The following SLC1A4 variants were observed in gnomAD, a reference collection of about 807,000 sequenced individuals.
SLC1A4 encodes the protein solute carrier family 1 member 4.
In SLC1A4, 19 loss-of-function variants were observed where a neutral mutation model predicts 37.7. The ratio of observed to expected loss-of-function variants is 0.50; its 90% CI spans 0.35 to 0.74. SLC1A4 has a LOEUF of 0.74. Ranked by LOEUF, SLC1A4 falls within the 30% of genes least tolerant of loss-of-function variation. SLC1A4 has a pLI of 0.01. For synonymous variants in SLC1A4, 299 were observed against 309.8 expected, an observed-to-expected ratio of 0.97 and a Z score of 0.37; for missense variants, 570 against 712.9, an observed-to-expected ratio of 0.80 and a Z score of 2.28.
At chr2:64,988,954 C>T (rs1672913927), upstream of SLC1A4, among the ~76,000 whole-genome samples, 1 of 152,062 alleles carries the variant, frequency 6.6e-6, no homozygotes, top group South Asian at 2.1e-4. Flanking sequence ...CCCTCCCCTC[C>T]CACAGTCCTC....
intron 1 of SLC1A4, among the ~76,000 whole-genome samples, chr2:64,998,484 T>C (rs1049251662): frequency 3.9e-5 from 6 of 152,160 alleles, no homozygotes; most frequent in African/African-American, 1.4e-4. Context: ...TGTTTAACTT[T>C]ATCAGAAACT....
At chr2:65,007,820 T>C (rs768035497) in intron 3 of SLC1A4, among the ~76,000 whole-genome samples, 22 of 152,240 alleles carry the variant, frequency 1.4e-4, no homozygotes, top group Non-Finnish European at 8.8e-5. Flanking sequence ...ACATTTGTCT[T>C]TTCTTTGTGG....
At chr2:64,998,043 C>A (rs1673327228) in intron 1 of SLC1A4, among the ~76,000 whole-genome samples, 1 of 152,114 alleles carries the variant, frequency 6.6e-6, no homozygotes, top group Non-Finnish European at 1.5e-5. Flanking sequence ...ATCATCCTGG[C>A]TAACATGGTG....
intron 1 of SLC1A4, among the ~76,000 whole-genome samples, chr2:64,996,128 C>T (rs1673245231): frequency 6.6e-6 from 1 of 152,162 alleles, no homozygotes; most frequent in Non-Finnish European, 1.5e-5. Flanking sequence ...AGAGGTTTCA[C>T]ACGTTTTTAA....
At chr2:64,997,960 G>A (rs1476766315) in intron 1 of SLC1A4, among the ~76,000 whole-genome samples, 4 of 151,978 alleles carry the variant, frequency 2.6e-5, no homozygotes, top group South Asian at 2.1e-4. Context: ...ATTGGCAGGC[G>A]CAGTGGCTCA....
chr2:65,018,425 G>A lies in SLC1A4; in HGVS notation c.1230-120G>A, dbSNP rs1447905046. On this transcript the variant is annotated intron_variant, in intron 6 of 7. Transcript: ENST00000234256. The surrounding 1 kb of genome is among the most constrained non-coding windows in gnomAD (Gnocchi z 4.3). ...GTGTTGACTCTCAAGGGCGTAGCCA[G>A]CAGAGCCTATGGTGGGGCGGTTTTT... The A allele has an allele frequency of 6.9e-7, 1 of 1,450,394 alleles. No homozygotes were observed. The highest frequency in any genetic ancestry group is 1.3e-5 in the South Asian group (1 of 76,774). The allele number at this position is 1,450,394 out of a possible 1,614,324, so 89.8% of individuals were successfully genotyped here. A position where few individuals can be genotyped will look rare whatever the true frequency, so the allele number is the denominator to read the frequency against.
chr2:64,996,044 C>T (rs867336894), intron 1 of SLC1A4, among the ~76,000 whole-genome samples: 2 of 152,164 alleles, frequency 1.3e-5, no homozygotes, highest in Non-Finnish European at 2.9e-5. Context: ...AGTCTTATAG[C>T]GCTGGAAAAG....
intron 1 of SLC1A4, among the ~76,000 whole-genome samples, chr2:64,998,002 G>A (rs1042593312): frequency 1.3e-5 from 2 of 152,118 alleles, no homozygotes; most frequent in Non-Finnish European, 2.9e-5. Context: ...GGGAGGCTGA[G>A]GGGGGCAGAT....
chr2:64,990,485 C>G (rs1417985551), intron 1 of SLC1A4, among the ~76,000 whole-genome samples: 1 of 152,206 alleles, frequency 6.6e-6, no homozygotes, highest in East Asian at 1.9e-4. Context: ...TCCTTATACT[C>G]TCGCGCTGCT....
chr2:65,006,856 C>T (rs1673696070), intron 3 of SLC1A4, among the ~76,000 whole-genome samples: 1 of 152,162 alleles, frequency 6.6e-6, no homozygotes, highest in South Asian at 2.1e-4. Flanking sequence ...AGGAGGATCC[C>T]TTGAGCCAAG....
intron 1 of SLC1A4, among the ~76,000 whole-genome samples, chr2:64,990,886 C>T (rs1673024698): frequency 6.6e-6 from 1 of 152,298 alleles, no homozygotes; most frequent in Admixed American, 6.5e-5. Context: ...TTAGTTTTGC[C>T]TGCTTTTTGC....
chr2:65,007,390 G>A (rs1179254282), intron 3 of SLC1A4, among the ~76,000 whole-genome samples: 2 of 152,134 alleles, frequency 1.3e-5, no homozygotes, highest in Non-Finnish European at 2.9e-5. Context: ...GATGTAGGCA[G>A]CAGGAACAGA....
chr2:65,009,480 T>C (rs898625706), intron 3 of SLC1A4, among the ~76,000 whole-genome samples: 1 of 152,236 alleles, frequency 6.6e-6, no homozygotes, highest in Non-Finnish European at 1.5e-5. Flanking sequence ...TATGAATCCA[T>C]GGCTTTTGGT....
At chr2:64,996,624 A>G (rs1673261583) in intron 1 of SLC1A4, among the ~76,000 whole-genome samples, 1 of 152,214 alleles carries the variant, frequency 6.6e-6, no homozygotes, top group South Asian at 2.1e-4. Context: ...ATGTAAATAA[A>G]ACTTAAAAAT....
At chr2:65,008,700 T>C (rs962444461) in intron 3 of SLC1A4, among the ~76,000 whole-genome samples, 1 of 152,214 alleles carries the variant, frequency 6.6e-6, no homozygotes, top group African/African-American at 2.4e-5. Flanking sequence ...AATAACATTT[T>C]AAGAGGAAGA....
intron 3 of SLC1A4, among the ~76,000 whole-genome samples, chr2:65,010,178 C>T (rs1462893621): frequency 2.0e-5 from 3 of 152,164 alleles, no homozygotes; most frequent in African/African-American, 4.8e-5. Context: ...GTGATCCACT[C>T]GCCTTGGCCT....
rs754852633 is a variant in SLC1A4, at chr2:64,989,637, T to C, written c.-7T>C. 1.3e-5 allele frequency: 19 copies of C among 1,504,322 alleles called. No homozygotes were observed. The East Asian group carries it at 4.9e-4, about 39-fold the overall frequency. The allele number at this position is 1,504,322 out of a possible 1,614,324, so 93.2% of individuals were successfully genotyped here. On this transcript the variant is annotated 5_prime_UTR_variant, in exon 1 of 8. Transcript: ENST00000234256. ...GCCACCTCTAGCTCGGAGCGGCGTG[T>C]AGCGCCATGGAGAAGAGCAACGAGA...
At chr2:65,001,360 C>T in intron 1 of SLC1A4, 88 bp from the exon 2 acceptor site, 2 of 1,181,120 alleles carry the variant, frequency 1.7e-6, no homozygotes, top group South Asian at 1.2e-5. Context: ...TGCAATCACA[C>T]CACTGCACTC....
At chr2:65,007,528 A>G (rs538587144) in intron 3 of SLC1A4, among the ~76,000 whole-genome samples, 1 of 152,306 alleles carries the variant, frequency 6.6e-6, no homozygotes, top group South Asian at 2.1e-4. Context: ...ACCTGCCACC[A>G]GCCTCCTCTA....
Sources: gnomAD v4.1 joint callset for allele counts (sites outside exome capture counted in the v4.1 genomes callset) on GRCh38, gnomAD v4.1.1 for gene constraint, Gnocchi (gnomAD v3.1) non-coding constraint, MANE v1.5 for transcripts, NCBI Gene and HGNC (gene_info 2026-07-23, HGNC 2026-07-21) for gene names.